Variants in SKAP1 observed in about 807,000 individuals in gnomAD.
The protein encoded by SKAP1 is src kinase-associated phosphoprotein 1.
In SKAP1, 44 loss-of-function variants were observed where a neutral mutation model predicts 58.5. The ratio of observed to expected loss-of-function variants is 0.75; its 90% CI spans 0.59 to 0.97. The LOEUF is 0.97. SKAP1 is among the 50% of genes least tolerant of loss of function. SKAP1 has a pLI of 0.00. For synonymous variants in SKAP1, 127 were observed against 149.7 expected (o/e 0.85, Z 1.11); for missense variants, 390 against 435.2 (o/e 0.90, Z 0.92).
At chr17:48,426,074 C>T (rs755231816) in intron 1 of SKAP1, among the ~76,000 whole-genome samples, 24 of 152,150 alleles carry the variant, frequency 1.6e-4, no homozygotes, top group Non-Finnish European at 3.1e-4. Flanking sequence ...AAGAGAATCT[C>T]CTCAGCTATC....
intron 4 of SKAP1, among the ~76,000 whole-genome samples, chr17:48,224,947 G>A (rs1428004470): frequency 6.6e-6 from 1 of 152,100 alleles, no homozygotes; most frequent in Non-Finnish European, 1.5e-5. Flanking sequence ...ACACATTAGA[G>A]AACTACTGCT....
intron 1 of SKAP1, among the ~76,000 whole-genome samples, chr17:48,427,576 T>C (rs1283701901): frequency 6.7e-6 from 1 of 150,274 alleles, no homozygotes; most frequent in Non-Finnish European, 1.5e-5. Flanking sequence ...TTCTCTTCAT[T>C]ATGCAAAATT....
At chr17:48,215,792 G>C (rs959803038) in intron 4 of SKAP1, among the ~76,000 whole-genome samples, 14 of 152,108 alleles carry the variant, frequency 9.2e-5, no homozygotes, top group Admixed American at 2.0e-4. Context: ...TATGAGATCA[G>C]GGTTTAGATA....
intron 4 of SKAP1, among the ~76,000 whole-genome samples, chr17:48,240,803 C>T (rs377270997): frequency 5.3e-5 from 8 of 152,318 alleles, no homozygotes; most frequent in African/African-American, 1.9e-4. Context: ...TGTTCCCACT[C>T]GTTCACAATC....
intron 2 of SKAP1, among the ~76,000 whole-genome samples, chr17:48,391,111 C>T (rs184896617): frequency 6.6e-6 from 1 of 152,124 alleles, no homozygotes; most frequent in African/African-American, 2.4e-5. Flanking sequence ...ACAACAACAA[C>T]ATCAAAAACA....
At chr17:48,150,317 C>A (rs1434118853) in intron 11 of SKAP1, among the ~76,000 whole-genome samples, 5 of 152,086 alleles carry the variant, frequency 3.3e-5, no homozygotes, top group African/African-American at 7.2e-5. Context: ...AAAAACTTGT[C>A]ATTATAGACA....
chr17:48,295,089 A>G (rs1205555965), intron 4 of SKAP1, among the ~76,000 whole-genome samples: 1 of 152,212 alleles, frequency 6.6e-6, no homozygotes, highest in African/African-American at 2.4e-5. Context: ...TTTTAGGCAC[A>G]AAAGTCTAAA....
At chr17:48,369,870 TATA>T (rs1303281618) in intron 2 of SKAP1, among the ~76,000 whole-genome samples, 1 of 152,148 alleles carries the variant, frequency 6.6e-6, no homozygotes, top group East Asian at 1.9e-4. Flanking sequence ...GTCTTGAAAA[TATA>T]ATCTAACAAT....
At chr17:48,189,392 A>G in intron 5 of SKAP1, 31 bp downstream of exon 5, 1 of 1,550,336 alleles carries the variant, frequency 6.5e-7, no homozygotes, top group African/African-American at 1.4e-5. Context: ...CCTTCCTGGA[A>G]TGTTCTGAAA....
intron 11 of SKAP1, among the ~76,000 whole-genome samples, chr17:48,144,684 T>C (rs1049180196): frequency 2.6e-5 from 4 of 152,218 alleles, no homozygotes; most frequent in African/African-American, 9.6e-5. Flanking sequence ...CCTGCTCCTG[T>C]CTAAAGGTGC....
chr17:48,141,424 T>C (rs1032778312), intron 11 of SKAP1, among the ~76,000 whole-genome samples: 1 of 151,928 alleles, frequency 6.6e-6, no homozygotes, highest in African/African-American at 2.4e-5. Context: ...TGTTGCCCAG[T>C]CTGGAGTGCA....
chr17:48,187,708 G>T, intron 6 of SKAP1, 135 bp downstream of exon 6: 1 of 591,622 alleles, frequency 1.7e-6, no homozygotes, highest in Non-Finnish European at 3.0e-6. Flanking sequence ...ATTTGTCCAT[G>T]CCAATTTCTT....
chr17:48,251,906 A>G (rs1022197777), intron 4 of SKAP1, among the ~76,000 whole-genome samples: 10 of 152,228 alleles, frequency 6.6e-5, no homozygotes, highest in African/African-American at 2.4e-4. Context: ...CTTTTAAATT[A>G]TTTCTCTGGA....
chr17:48,306,211 A>G (rs563462136), intron 4 of SKAP1, among the ~76,000 whole-genome samples: 1 of 152,348 alleles, frequency 6.6e-6, no homozygotes, highest in African/African-American at 2.4e-5. Context: ...ATGGCAGATT[A>G]GTCCATGAGC....
intron 11 of SKAP1, among the ~76,000 whole-genome samples, chr17:48,137,812 T>C (rs2063719753): frequency 6.6e-6 from 1 of 152,212 alleles, no homozygotes; most frequent in Non-Finnish European, 1.5e-5. Flanking sequence ...AGCAGAGTAA[T>C]GGGCTTTGGA....
intron 1 of SKAP1, among the ~76,000 whole-genome samples, chr17:48,409,996 T>A (rs2067641438): frequency 6.6e-6 from 1 of 152,176 alleles, no homozygotes; most frequent in African/African-American, 2.4e-5. Context: ...GAAAAGGCGC[T>A]GACCTAAGTA....
At chr17:48,304,596 A>G (rs2066110426) in intron 4 of SKAP1, among the ~76,000 whole-genome samples, 1 of 152,236 alleles carries the variant, frequency 6.6e-6, no homozygotes, top group African/African-American at 2.4e-5. Flanking sequence ...AACAGCCATT[A>G]ACATAAAGTG....
At chr17:48,255,647 G>A (rs948746244) in intron 4 of SKAP1, among the ~76,000 whole-genome samples, 4 of 151,796 alleles carry the variant, frequency 2.6e-5, no homozygotes, top group African/African-American at 4.8e-5. Flanking sequence ...TAAACAAAAC[G>A]TGGCTAGAGA....
At chr17:48,316,968 A>G (rs16955397) in intron 4 of SKAP1, among the ~76,000 whole-genome samples, 50,729 of 152,018 alleles carry the variant, frequency 0.33, 9,164 homozygotes, top group African/African-American at 0.47. Flanking sequence ...CTGATCCTTC[A>G]TCTTCTCCCT....
Sources: allele counts gnomAD v4.1 joint callset (sites outside exome capture counted in the v4.1 genomes callset), GRCh38; gene constraint gnomAD v4.1.1; transcripts MANE v1.5; gene names NCBI Gene and HGNC (gene_info 2026-07-23, HGNC 2026-07-21).